The following DCAF6 variants were observed in gnomAD, a reference collection of about 807,000 sequenced individuals.
DCAF6 encodes DDB1- and CUL4-associated factor 6.
In DCAF6, 54 loss-of-function variants were observed where a neutral mutation model predicts 125.1. The ratio of observed to expected loss-of-function variants is 0.43; its 90% CI spans 0.35 to 0.54. The LOEUF (loss-of-function observed/expected upper bound fraction) is 0.54. DCAF6 is among the 20% of genes least tolerant of loss of function. The pLI, the probability that DCAF6 is intolerant of heterozygous loss-of-function variation, is 0.01. For synonymous variants in DCAF6, 371 were observed against 390.4 expected, an observed-to-expected ratio of 0.95 and a Z score of 0.58; for missense variants, 934 against 1,161.7, an observed-to-expected ratio of 0.80 and a Z score of 2.85.
At chr1:167,938,560 A>G (rs1333602090) in intron 1 of DCAF6, among the ~76,000 whole-genome samples, 1 of 152,220 alleles carries the variant, frequency 6.6e-6, no homozygotes, top group Non-Finnish European at 1.5e-5. Context: ...AAAATTGAAC[A>G]TAGCTGGAGT....
At chr1:167,924,766 T>C in the DCAF6 span, among the ~76,000 whole-genome samples, 1 of 152,166 alleles carries the variant, frequency 6.6e-6, no homozygotes, top group Non-Finnish European at 1.5e-5. Flanking sequence ...TAGGTTCAAC[T>C]GTATGCAAAT....
rs182543329 is a variant in DCAF6 at position 167,951,599 on chromosome 1, C to T, written c.98-201C>T. 5.9e-4 allele frequency among the ~76,000 whole-genome samples: 89 copies of T among 152,048 alleles called. 2 individuals are homozygous for T. Among genetic ancestry groups the T allele is most frequent in the Admixed American group, 5.7e-3 (87 of 15,268 alleles). On this transcript the variant is annotated intron_variant, in intron 1 of 21. Transcript: ENST00000367840. ...CAAAAAACAAACAAACAAAAAACTG[C>T]GTGAGGTAGAGGTATTCTAATGAGG... is the stretch of plus-strand genomic sequence containing the variant.
At chr1:167,975,094 GTGTGTA>G in intron 4 of DCAF6, 79 bp downstream of exon 4, 1 of 851,970 alleles carries the variant, frequency 1.2e-6, no homozygotes, top group Non-Finnish European at 1.7e-6. Context: ...GTAGATGCAT[GTGTGTA>G]CATGTACAGA....
chr1:167,909,351 T>C, the DCAF6 span, among the ~76,000 whole-genome samples: 1 of 152,174 alleles, frequency 6.6e-6, no homozygotes, highest in African/African-American at 2.4e-5. Context: ...TTCTTATTCA[T>C]GTGTTTTGGT....
intron 3 of DCAF6, among the ~76,000 whole-genome samples, chr1:167,973,678 A>G (rs899168323): frequency 2.6e-5 from 4 of 152,110 alleles, no homozygotes; most frequent in Non-Finnish European, 5.9e-5. Context: ...GGAGATTTCA[A>G]GCCAACTTAG....
intron 13 of DCAF6, among the ~76,000 whole-genome samples, chr1:168,041,474 G>T (rs956085851): frequency 6.6e-6 from 1 of 151,894 alleles, no homozygotes; most frequent in Admixed American, 6.6e-5. Flanking sequence ...AAGGGAAAAG[G>T]TTCTTATATT....
At chr1:167,959,381 T>G (rs1675247116) in intron 2 of DCAF6, among the ~76,000 whole-genome samples, 2 of 152,218 alleles carry the variant, frequency 1.3e-5, no homozygotes, top group African/African-American at 4.8e-5. Context: ...TACGTTCGTG[T>G]GCAGGTGTAT....
At chr1:167,957,467 T>G (rs981308890) in intron 2 of DCAF6, among the ~76,000 whole-genome samples, 2 of 152,174 alleles carry the variant, frequency 1.3e-5, no homozygotes, top group Non-Finnish European at 2.9e-5. Flanking sequence ...AAATATTTCA[T>G]TGTACACATA....
chr1:168,034,473 C>T (rs1340398071), intron 12 of DCAF6, among the ~76,000 whole-genome samples: 3 of 152,122 alleles, frequency 2.0e-5, no homozygotes. Context: ...AAGGTGCCAC[C>T]ACGCTACCGT....
At position 168,068,420 on chromosome 1, in the gene DCAF6, T is replaced by A. The variant is rs1161570318; in HGVS notation, c.2748T>A (p.Ser916=). The change falls in exon 21 of 22, where the codon TCT becomes TCA. Residue 916 remains serine, a synonymous_variant. Coordinates refer to ENST00000367840, the MANE Select transcript of DCAF6 (RefSeq NM_001198956.2). The stretch of plus-strand genomic sequence containing the variant: ...GAAACACCATTACAGTTCCAGCCTC[T>A]TTCATGTTGAGGATGTTGGCTTCAC... ...ETRNTITVPA[S]FMLRMLASLN... The A allele has an allele frequency of 1.9e-6, 3 of 1,569,658 alleles. No individual in the cohort carries two copies. The African/African-American group carries it at 4.1e-5, about 22-fold the overall frequency.
the DCAF6 span, among the ~76,000 whole-genome samples, chr1:167,899,190 T>C: frequency 1.3e-5 from 2 of 152,150 alleles, no homozygotes. Flanking sequence ...CCAAATTCCA[T>C]ATCCTCAGTT....
intron 12 of DCAF6, among the ~76,000 whole-genome samples, chr1:168,025,003 A>C (rs140373542): frequency 1.4e-4 from 22 of 152,292 alleles, no homozygotes; most frequent in African/African-American, 5.3e-4. Flanking sequence ...TTTATTACAG[A>C]GGTATTAACA....
chr1:167,998,971 A>G (rs765175577), intron 7 of DCAF6, among the ~76,000 whole-genome samples: 29 of 152,098 alleles, frequency 1.9e-4, no homozygotes, highest in Non-Finnish European at 2.8e-4. Flanking sequence ...AGAATGGTCA[A>G]TCCTTTCTAG....
At chr1:167,870,121 T>C in the DCAF6 span, 19 of 966,226 alleles carry the variant, frequency 2.0e-5, no homozygotes, top group Non-Finnish European at 2.9e-5. Flanking sequence ...GTTATCTATT[T>C]AGCACAAGGG....
chr1:168,012,895 G>T (rs1364296042), intron 10 of DCAF6, among the ~76,000 whole-genome samples: 1 of 152,030 alleles, frequency 6.6e-6, no homozygotes, highest in African/African-American at 2.4e-5. Flanking sequence ...CTGAGATCTT[G>T]CTGTTTGCCA....
chr1:167,970,574 G>C (rs1677157170), intron 3 of DCAF6, among the ~76,000 whole-genome samples: 1 of 151,978 alleles, frequency 6.6e-6, no homozygotes, highest in Non-Finnish European at 1.5e-5. Context: ...CTTGAGCCCA[G>C]GCGTTCCACC....
the DCAF6 span, among the ~76,000 whole-genome samples, chr1:167,891,201 C>T: frequency 6.6e-6 from 1 of 151,864 alleles, no homozygotes; most frequent in Admixed American, 6.6e-5. Flanking sequence ...ACCTGGTGAT[C>T]CACCCACCTC....
At chr1:168,020,229 C>T (rs1685508850) in intron 11 of DCAF6, among the ~76,000 whole-genome samples, 1 of 152,202 alleles carries the variant, frequency 6.6e-6, no homozygotes, top group Non-Finnish European at 1.5e-5. Flanking sequence ...TGATTATCCT[C>T]ATTTTACAGA....
chr1:167,937,201 C>G, intron 1 of DCAF6, 193 bp downstream of exon 1: 1 of 601,904 alleles, frequency 1.7e-6, no homozygotes. Context: ...TGCATGCTGC[C>G]AGCCGCCGCC....
Sources: gnomAD v4.1 joint callset for allele counts (sites outside exome capture counted in the v4.1 genomes callset) on GRCh38, gnomAD v4.1.1 for gene constraint, MANE v1.5 for transcripts, NCBI Gene and HGNC (gene_info 2026-07-23, HGNC 2026-07-21) for gene names.